Variants in CCBE1 observed in about 807,000 individuals in gnomAD.
CCBE1 encodes the protein collagen and calcium binding EGF domains 1, also known as collagen and calcium-binding EGF domain-containing protein 1.
CCBE1 carries 37 observed loss-of-function variants against 50.0 expected under a neutral mutation model. That is an observed-to-expected ratio of 0.74 (90% CI 0.57 to 0.97). CCBE1 has a LOEUF of 0.97. CCBE1 is among the 50% of genes least tolerant of loss of function. The pLI is 0.00. For synonymous variants in CCBE1, 234 were observed against 203.7 expected, an observed-to-expected ratio of 1.15 and a Z score of -1.27; for missense variants, 538 against 523.8, an observed-to-expected ratio of 1.03 and a Z score of -0.26.
chr18:59,458,524 C>T (rs971908383), intron 5 of CCBE1, among the ~76,000 whole-genome samples: 2 of 152,200 alleles, frequency 1.3e-5, no homozygotes, highest in Admixed American at 6.5e-5. Context: ...ACCAGATTCT[C>T]GACTATTTCA....
chr18:59,511,676 C>G (rs917421534), intron 2 of CCBE1, among the ~76,000 whole-genome samples: 1 of 152,110 alleles, frequency 6.6e-6, no homozygotes, highest in Admixed American at 6.5e-5. Context: ...TTATAGTCAC[C>G]CTGCTGATCT....
chr18:59,687,672 A>AT (rs2144742802), intron 2 of CCBE1, among the ~76,000 whole-genome samples: 1 of 152,354 alleles, frequency 6.6e-6, no homozygotes, highest in African/African-American at 2.4e-5. Context: ...TCAAAAATTC[A>AT]TAAGTTTAGG....
chr18:59,440,411 A>G (rs924296178), intron 7 of CCBE1, among the ~76,000 whole-genome samples: 1 of 152,212 alleles, frequency 6.6e-6, no homozygotes, highest in Non-Finnish European at 1.5e-5. Flanking sequence ...CACACATAGT[A>G]AGTACTAAAA....
rs553281494 is a variant in CCBE1 at position 59,443,579 on chromosome 18, G to A, written c.776-3763C>T. 4.6e-5 allele frequency among the ~76,000 whole-genome samples: 7 copies of A among 150,990 alleles called. No homozygotes were observed. In the South Asian group the frequency reaches 6.3e-4, roughly 14 times the overall value. ...CTTCCCAGGTTCAAGCAATTCTCCC[G>A]CCTCAACCTCCCAAGTAGATGGGAT... is the stretch of plus-strand genomic sequence containing the variant. On this transcript the variant is annotated intron_variant, in intron 7 of 10. Transcript: ENST00000439986.
intron 2 of CCBE1, among the ~76,000 whole-genome samples, chr18:59,610,283 A>C (rs1038656018): frequency 3.3e-5 from 5 of 152,228 alleles, no homozygotes; most frequent in African/African-American, 1.2e-4. Context: ...TTTTGGATAC[A>C]AAGTCATTTA....
At chr18:59,672,933 G>T (rs931093800) in intron 2 of CCBE1, among the ~76,000 whole-genome samples, 19 of 152,012 alleles carry the variant, frequency 1.2e-4, no homozygotes, top group Admixed American at 1.2e-3. Context: ...GGTACATCAA[G>T]ATCTCACAAA....
At chr18:59,592,823 GCA>G (rs2053291982) in intron 2 of CCBE1, among the ~76,000 whole-genome samples, 1 of 152,060 alleles carries the variant, frequency 6.6e-6, no homozygotes, top group Non-Finnish European at 1.5e-5. Flanking sequence ...AAGGACGAGT[GCA>G]CAGTCAGCAA....
At chr18:59,506,552 G>A (rs551942811) in intron 2 of CCBE1, among the ~76,000 whole-genome samples, 4 of 152,314 alleles carry the variant, frequency 2.6e-5, no homozygotes, top group African/African-American at 9.6e-5. Flanking sequence ...AAAGACCTTC[G>A]GTCAAAGGAT....
intron 2 of CCBE1, among the ~76,000 whole-genome samples, chr18:59,580,286 A>G (rs2053063518): frequency 6.6e-6 from 1 of 152,142 alleles, no homozygotes; most frequent in Non-Finnish European, 1.5e-5. Flanking sequence ...TTATCTACCT[A>G]ATAACCTGGA....
intron 2 of CCBE1, among the ~76,000 whole-genome samples, chr18:59,529,822 C>T (rs1914979419): frequency 6.6e-6 from 1 of 152,174 alleles, no homozygotes; most frequent in Non-Finnish European, 1.5e-5. Flanking sequence ...CCCCTGGTGG[C>T]ATTGAAATAT....
At chr18:59,616,428 T>C (rs1268419995) in intron 2 of CCBE1, among the ~76,000 whole-genome samples, 1 of 152,186 alleles carries the variant, frequency 6.6e-6, no homozygotes, top group Non-Finnish European at 1.5e-5. Flanking sequence ...AAAAGTTGGA[T>C]CAGCTTCAAG....
intron 2 of CCBE1, among the ~76,000 whole-genome samples, chr18:59,689,164 C>A (rs1052045121): frequency 1.3e-5 from 2 of 152,214 alleles, no homozygotes; most frequent in African/African-American, 4.8e-5. Context: ...TAGACGCTAC[C>A]TGTTGAGAGC....
intron 2 of CCBE1, among the ~76,000 whole-genome samples, chr18:59,574,124 TCA>T (rs1288830795): frequency 6.6e-6 from 1 of 152,160 alleles, no homozygotes; most frequent in Admixed American, 6.5e-5. Context: ...CTGACATAAC[TCA>T]GAGTTTAGGC....
intron 2 of CCBE1, among the ~76,000 whole-genome samples, chr18:59,640,074 A>G (rs1379663203): frequency 1.3e-5 from 2 of 152,222 alleles, no homozygotes; most frequent in Non-Finnish European, 2.9e-5. Flanking sequence ...AGCAGTTTAC[A>G]GAGTCAATGC....
At chr18:59,627,496 G>A (rs2053800799) in intron 2 of CCBE1, among the ~76,000 whole-genome samples, 1 of 152,182 alleles carries the variant, frequency 6.6e-6, no homozygotes, top group Non-Finnish European at 1.5e-5. Context: ...AGAAATAGGT[G>A]TTATTTCTTA....
At chr18:59,504,915 C>T (rs1366372725) in intron 2 of CCBE1, among the ~76,000 whole-genome samples, 3 of 152,088 alleles carry the variant, frequency 2.0e-5, no homozygotes, top group Admixed American at 6.6e-5. Flanking sequence ...GGTAGCAAAT[C>T]ACAGCAGAGA....
chr18:59,627,912 ATTT>A (rs1333762608), intron 2 of CCBE1, among the ~76,000 whole-genome samples: 3 of 152,222 alleles, frequency 2.0e-5, no homozygotes, highest in Non-Finnish European at 2.9e-5. Context: ...CTCAAAGTGG[ATTT>A]TTAAGTGCCA....
intron 2 of CCBE1, among the ~76,000 whole-genome samples, chr18:59,555,321 T>C (rs1212611455): frequency 6.6e-6 from 1 of 152,224 alleles, no homozygotes; most frequent in East Asian, 1.9e-4. Flanking sequence ...TGGCACATTT[T>C]AATAGATACA....
chr18:59,589,315 A>C (rs965540908), intron 2 of CCBE1, among the ~76,000 whole-genome samples: 4 of 152,200 alleles, frequency 2.6e-5, no homozygotes, highest in African/African-American at 9.7e-5. Flanking sequence ...TAAATAGAGA[A>C]AGTTACCTCT....
Sources: gnomAD v4.1 joint callset for allele counts (sites outside exome capture counted in the v4.1 genomes callset) on GRCh38, gnomAD v4.1.1 for gene constraint, MANE v1.5 for transcripts, NCBI Gene and HGNC (gene_info 2026-07-23, HGNC 2026-07-21) for gene names.